Variants in GABBR2 observed in about 807,000 individuals in gnomAD.
GABBR2 encodes gamma-aminobutyric acid type B receptor subunit 2, also known as G-protein coupled receptor 51.
In GABBR2, 23 loss-of-function variants were observed where a neutral mutation model predicts 105.6. The ratio of observed to expected loss-of-function variants is 0.22; its 90% CI spans 0.16 to 0.31. GABBR2 has a LOEUF of 0.31. GABBR2 is among the 10% of genes least tolerant of loss of function. The pLI, the probability that GABBR2 is intolerant of heterozygous loss-of-function variation, is 1.00. For missense variants in GABBR2, 734 were observed against 1,245.5 expected (o/e 0.59, Z 6.18); for synonymous variants, 478 against 499.7 (o/e 0.96, Z 0.58).
At chr9:98,598,013 G>A (rs1296866858) in intron 1 of GABBR2, among the ~76,000 whole-genome samples, 2 of 152,008 alleles carry the variant, frequency 1.3e-5, no homozygotes, top group Non-Finnish European at 2.9e-5. Context: ...AATAGAGATG[G>A]GGTTTCACCA....
chr9:98,550,372 C>T (rs1439173491), intron 2 of GABBR2, among the ~76,000 whole-genome samples: 4 of 152,198 alleles, frequency 2.6e-5, no homozygotes, highest in African/African-American at 9.7e-5. Context: ...TACTCAATGA[C>T]AATGACTCAT....
chr9:98,366,773 G>A (rs1831684772), intron 12 of GABBR2, among the ~76,000 whole-genome samples: 2 of 152,128 alleles, frequency 1.3e-5, no homozygotes, highest in South Asian at 4.1e-4. Context: ...CTTAAGTTGA[G>A]CCCAGATGAA....
intron 6 of GABBR2, among the ~76,000 whole-genome samples, chr9:98,456,876 T>C (rs1174842214): frequency 6.6e-6 from 1 of 152,254 alleles, no homozygotes; most frequent in Non-Finnish European, 1.5e-5. Flanking sequence ...TAACCAGCAA[T>C]CTTAATTTTT....
At chr9:98,435,903 G>A (rs534018518) in intron 7 of GABBR2, among the ~76,000 whole-genome samples, 17 of 152,056 alleles carry the variant, frequency 1.1e-4, no homozygotes, top group African/African-American at 2.7e-4. Flanking sequence ...AGGTCTCCAC[G>A]TTATGGGCAC....
At chr9:98,359,324 A>G (rs1831541364) in intron 13 of GABBR2, among the ~76,000 whole-genome samples, 1 of 152,132 alleles carries the variant, frequency 6.6e-6, no homozygotes, top group Non-Finnish European at 1.5e-5. Flanking sequence ...GCTACTTGGG[A>G]GGCTGAGGCA....
chr9:98,505,849 C>T lies in GABBR2; in HGVS notation c.631-9335G>A, dbSNP rs1452914782. Reference sequence around the variant, plus strand: ...AGCCTGCTGACACCTTCATTTAGGACCTCTGGCCTCCAGAACTATGAGACA... The same window carrying T: ...AGCCTGCTGACACCTTCATTTAGGATCTCTGGCCTCCAGAACTATGAGACA... On this transcript the variant is annotated intron_variant, in intron 3 of 18. Transcript: ENST00000259455. Among the ~76,000 whole-genome samples, 6 of 152,280 alleles carry T rather than the reference C, an allele frequency of 3.9e-5. No homozygotes were observed. In the South Asian group the frequency reaches 8.3e-4, roughly 21 times the overall value.
At chr9:98,482,848 C>T (rs1407771465) in intron 4 of GABBR2, among the ~76,000 whole-genome samples, 1 of 152,066 alleles carries the variant, frequency 6.6e-6, no homozygotes, top group Non-Finnish European at 1.5e-5. Context: ...CCCCTCGTGC[C>T]TGCCTGGCCA....
rs371591444 is a variant in GABBR2, at chr9:98,656,955, G to A, written c.321+51462C>T. Reference sequence around the variant, plus strand: ...AGATGCTGGATCAGAGGTTGCAAACGGGTGGCTCTTAGGCCACATTCAACC... The same window carrying A: ...AGATGCTGGATCAGAGGTTGCAAACAGGTGGCTCTTAGGCCACATTCAACC... On this transcript the variant is annotated intron_variant, in intron 1 of 18. Coordinates refer to ENST00000259455, the MANE Select transcript of GABBR2 (RefSeq NM_005458.8). Among the ~76,000 whole-genome samples the A allele has an allele frequency of 3.9e-4, 60 of 152,290 alleles. 1 individual carries two copies. The highest frequency in any genetic ancestry group is 1.7e-3 in the South Asian group (8 of 4,818).
intron 3 of GABBR2, among the ~76,000 whole-genome samples, chr9:98,534,616 C>A (rs1828134015): frequency 6.6e-6 from 1 of 152,126 alleles, no homozygotes; most frequent in African/African-American, 2.4e-5. Flanking sequence ...GGCAAAGAAG[C>A]CTACGAAAAG....
At chr9:98,686,224 G>C (rs1830618836) in intron 1 of GABBR2, among the ~76,000 whole-genome samples, 1 of 152,060 alleles carries the variant, frequency 6.6e-6, no homozygotes, top group South Asian at 2.1e-4. Context: ...GGTTCAGCCA[G>C]AATCGTCCCT....
At chr9:98,428,736 T>C (rs1311555735) in intron 7 of GABBR2, among the ~76,000 whole-genome samples, 2 of 152,196 alleles carry the variant, frequency 1.3e-5, no homozygotes, top group African/African-American at 4.8e-5. Context: ...TAGCAGGGAT[T>C]TTGCTGGTGC....
chr9:98,436,609 C>T (rs1205675288), intron 7 of GABBR2, among the ~76,000 whole-genome samples: 1 of 150,772 alleles, frequency 6.6e-6, no homozygotes, highest in Non-Finnish European at 1.5e-5. Context: ...CAGCATGCAA[C>T]CTTGATCTGC....
chr9:98,646,095 C>G (rs188793393), intron 1 of GABBR2, among the ~76,000 whole-genome samples: 55 of 151,924 alleles, frequency 3.6e-4, no homozygotes, highest in African/African-American at 1.3e-3. Context: ...GACTGTGTCC[C>G]TAGAAAGATC....
intron 3 of GABBR2, among the ~76,000 whole-genome samples, chr9:98,511,039 A>C (rs553419629): frequency 5.9e-5 from 9 of 152,368 alleles, no homozygotes; most frequent in Admixed American, 5.9e-4. Context: ...AAAGAACAGA[A>C]GTTATAACAA....
At chr9:98,550,120 C>T (rs1828462141) in intron 2 of GABBR2, among the ~76,000 whole-genome samples, 1 of 152,224 alleles carries the variant, frequency 6.6e-6, no homozygotes. Context: ...TTTAGTATAA[C>T]TGCCCCCCAC....
chr9:98,310,966 T>G (rs1413801143), intron 14 of GABBR2, 129 bp downstream of exon 14: 2 of 607,696 alleles, frequency 3.3e-6, no homozygotes, highest in African/African-American at 3.7e-5. Flanking sequence ...TGGCAGGCAC[T>G]GAGTCCACAG....
At chr9:98,431,922 G>C (rs2131574317) in intron 7 of GABBR2, among the ~76,000 whole-genome samples, 1 of 152,018 alleles carries the variant, frequency 6.6e-6, no homozygotes, top group East Asian at 1.9e-4. Flanking sequence ...TTGAGATGGA[G>C]TCTCGTTCTG....
intron 6 of GABBR2, among the ~76,000 whole-genome samples, chr9:98,458,653 C>T (rs1010457732): frequency 1.3e-5 from 2 of 152,114 alleles, no homozygotes; most frequent in African/African-American, 4.8e-5. Context: ...TGCAGTGAGC[C>T]GAGATTGCAT....
chr9:98,431,497 C>T (rs182723036), intron 7 of GABBR2, among the ~76,000 whole-genome samples: 2 of 151,654 alleles, frequency 1.3e-5, no homozygotes, highest in South Asian at 4.2e-4. Flanking sequence ...GAAAAAAAAA[C>T]CCACATAAGC....
Sources: gnomAD v4.1 joint callset for allele counts (sites outside exome capture counted in the v4.1 genomes callset) on GRCh38, gnomAD v4.1.1 for gene constraint, MANE v1.5 for transcripts, NCBI Gene and HGNC (gene_info 2026-07-23, HGNC 2026-07-21) for gene names.